Variants in LPO observed in about 807,000 individuals in gnomAD.
LPO encodes salivary peroxidase.
Under a neutral mutation model 68.4 loss-of-function variants are expected in LPO, and 70 were observed. The observed-to-expected ratio is 1.02, with a 90% CI of 0.84 to 1.25. LPO has a LOEUF of 1.25. Ranked by LOEUF, LPO falls within the 50% of genes most tolerant of loss-of-function variation. The pLI is 0.00. For missense variants in LPO, 873 were observed against 908.4 expected (o/e 0.96, Z 0.50); for synonymous variants, 360 against 357.6 (o/e 1.01, Z -0.08).
chr17:58,241,353 C>T (rs924829631), intron 1 of LPO, among the ~76,000 whole-genome samples: 9 of 151,980 alleles, frequency 5.9e-5, no homozygotes, highest in South Asian at 2.1e-4. Context: ...TCAAGTGATC[C>T]GCCTGCCTCA....
intron 3 of LPO, among the ~76,000 whole-genome samples, chr17:58,246,819 A>G (rs1969860428): frequency 6.6e-6 from 1 of 152,218 alleles, no homozygotes; most frequent in Admixed American, 6.5e-5. Flanking sequence ...AAATCCTAGG[A>G]AGTACTGAAT....
At chr17:58,240,420 G>A (rs560795309) in intron 1 of LPO, among the ~76,000 whole-genome samples, 1 of 152,206 alleles carries the variant, frequency 6.6e-6, no homozygotes, top group East Asian at 1.9e-4. Context: ...GGAGCCTCTT[G>A]TTGGCCTCTT....
intron 8 of LPO, among the ~76,000 whole-genome samples, chr17:58,252,710 C>T (rs1455688744): frequency 1.3e-5 from 2 of 151,980 alleles, no homozygotes; most frequent in Non-Finnish European, 2.9e-5. Flanking sequence ...ATCAGGAAGT[C>T]CAGAAAAGTA....
At position 58,254,152 on chromosome 17, in the gene LPO, T is replaced by TATAGATATATAGATATATAGATAG. The variant is rs1555605278; in HGVS notation, c.1106-652_1106-651insTATAGATATATAGATAGATAGATA. Among the ~76,000 whole-genome samples the TATAGATATATAGATATATAGATAG allele has an allele frequency of 1.7e-3, 232 of 133,352 alleles. 1 individual carries two copies. The Middle Eastern group carries it at 0.019, about 11-fold the overall frequency. 87.5% of individuals were successfully genotyped at this position (133,352 alleles called of 152,430 possible). On this transcript the variant is annotated intron_variant, in intron 8 of 12. Transcript: ENST00000262290. The stretch of plus-strand genomic sequence containing the variant: ...TGATAGATATATAGATATATAGATA[T>TATAGATATATAGATATATAGATAG]ATAGATAGATAGATAGATAGATAGA...
chr17:58,249,927 G>A (rs1969927042), intron 6 of LPO, among the ~76,000 whole-genome samples: 1 of 152,190 alleles, frequency 6.6e-6, no homozygotes, highest in Admixed American at 6.5e-5. Context: ...GGGGTCTCCC[G>A]GGCAGATGGC....
At chr17:58,251,406 T>G (rs944487175) in intron 7 of LPO, 5 of 161,480 alleles carry the variant, frequency 3.1e-5, no homozygotes, top group African/African-American at 9.6e-5. Context: ...AAGTTTATAC[T>G]GCTGTACATC....
At chr17:58,266,442 A>G (rs185413606) in intron 11 of LPO, 116 bp downstream of exon 11, 66 of 1,216,508 alleles carry the variant, frequency 5.4e-5, no homozygotes, top group Non-Finnish European at 7.2e-5. Flanking sequence ...CTGAAACAAA[A>G]GTCAGGCCAG....
In LPO at chr17:58,267,449, G is replaced by A. The variant is rs374428119; in HGVS notation, c.1794G>A (p.Leu598=). Residue 598 remains leucine (L), a synonymous_variant, in exon 12 of 13, where the codon CTG becomes CTA. Transcript: ENST00000262290. ...GCAAGATGCTGGCCAAGAAGTTACT[G>A]GGTCTCTACGGGACCCCTGACAACA... is the stretch of plus-strand genomic sequence containing the variant. The part of the protein sequence containing the change: ...LKSKMLAKKL[L]GLYGTPDNID... 53 of 1,614,236 alleles carry A rather than the reference G, an allele frequency of 3.3e-5. No homozygotes were observed. In the African/African-American group the frequency reaches 6.7e-4, roughly 20 times the overall value.
rs1337518537 is a variant in LPO, at chr17:58,252,439, T to C, written c.1038T>C (p.Tyr346=). The change falls in exon 8 of 13, where the codon TAT becomes TAC. Residue 346 remains tyrosine (Y), a synonymous_variant. Transcript: ENST00000262290. ...ACCATGGACTACCCTACCTGCCCTATGACAGCAAGAAGCCAAGCCCCTGTG... is the reference window on the plus strand; with the variant it reads ...ACCATGGACTACCCTACCTGCCCTACGACAGCAAGAAGCCAAGCCCCTGTG... ...VSDHGLPYLP[Y]DSKKPSPCEF... is the part of the protein sequence containing the mutation. 2 of 1,614,058 alleles carry C rather than the reference T, an allele frequency of 1.2e-6. No individual in the cohort carries two copies. Among genetic ancestry groups the C allele is most frequent in the Non-Finnish European group, 1.7e-6 (2 of 1,180,010 alleles).
chr17:58,248,868 T>C (rs564284372), intron 4 of LPO, among the ~76,000 whole-genome samples, 192 bp from the exon 5 acceptor site: 1 of 152,294 alleles, frequency 6.6e-6, no homozygotes, highest in South Asian at 2.1e-4. Context: ...TTTTCTTCCC[T>C]GTAAAATGGG....
chr17:58,242,782 C>A, intron 1 of LPO, 196 bp from the exon 2 acceptor site: 1 of 530,126 alleles, frequency 1.9e-6, no homozygotes, highest in Non-Finnish European at 3.4e-6. Context: ...CATGTCTTCT[C>A]CTCTTTCCAT....
intron 7 of LPO, chr17:58,251,926 C>T (rs779914912): frequency 2.2e-5 from 16 of 715,382 alleles, no homozygotes; most frequent in Non-Finnish European, 3.6e-5. Flanking sequence ...CCCTCCTCAC[C>T]AGAAATTTGG....
At chr17:58,266,030 TG>T in intron 10 of LPO, 122 bp from the exon 11 acceptor site, 2 of 886,240 alleles carry the variant, frequency 2.3e-6, no homozygotes, top group Non-Finnish European at 1.7e-6. Context: ...CCTTCCAGCC[TG>T]GGATGTCCAG....
At chr17:58,252,546 G>T in intron 8 of LPO, 40 bp downstream of exon 8, 1 of 1,571,876 alleles carries the variant, frequency 6.4e-7, no homozygotes. Flanking sequence ...AAGGACAAGG[G>T]GATTATCCAG....
intron 3 of LPO, among the ~76,000 whole-genome samples, chr17:58,246,662 C>T (rs901912643): frequency 1.3e-5 from 2 of 152,140 alleles, no homozygotes; most frequent in Non-Finnish European, 2.9e-5. Context: ...GGCCTGCCTG[C>T]CTTTGTTCAC....
chr17:58,244,432 T>G, intron 3 of LPO: 2 of 262,738 alleles, frequency 7.6e-6, no homozygotes, highest in Non-Finnish European at 1.4e-5. Context: ...TGATATTGAC[T>G]GATTCAGCCA....
Position 58,264,784 on chromosome 17 carries a change from C to T in LPO, c.1329C>T (p.Pro443=), listed in dbSNP as rs1970229888. 1.2e-6 allele frequency: 2 copies of T among 1,614,240 alleles called. No individual in the cohort carries two copies. The highest frequency in any genetic ancestry group is 1.7e-6 in the Non-Finnish European group (2 of 1,180,042). The change falls in exon 10 of 13, where the codon CCC becomes CCT. Residue 443 remains proline, a synonymous_variant. Coordinates refer to ENST00000262290, the MANE Select transcript of LPO (RefSeq NM_006151.3). The part of the protein sequence containing the change: ...LLGDHMQKWI[P]PYQGYSESVD... ...GTGACCACATGCAGAAGTGGATACC[C>T]CCATATCAAGGCTACAGTGAATCTG... is the stretch of plus-strand genomic sequence containing the variant.
Position 58,250,435 on chromosome 17 carries a change from G to T in LPO, c.594G>T (p.Lys198Asn). 1 of 1,614,146 alleles carries T rather than the reference G, an allele frequency of 6.2e-7. No homozygotes were observed. Among genetic ancestry groups the T allele is most frequent in the South Asian group, 1.1e-5 (1 of 91,082 alleles). The change falls in exon 7 of 13, where the codon AAG (lysine) becomes AAT (asparagine). Residue 198 changes from lysine (K) to asparagine (N), a missense_variant. Lys to Asn is a moderately conservative substitution (Grantham distance 94). Coordinates refer to ENST00000262290, the MANE Select transcript of LPO (RefSeq NM_006151.3). ...PLPLAREVSN[K>N]IVGYLNEEGV... The stretch of plus-strand genomic sequence containing the variant: ...TGTAGGCCCGGGAGGTATCTAACAA[G>T]ATTGTTGGCTATCTGAATGAGGAGG...
At chr17:58,260,473 T>C (rs2143934657) in intron 9 of LPO, among the ~76,000 whole-genome samples, 1 of 152,324 alleles carries the variant, frequency 6.6e-6, no homozygotes, top group African/African-American at 2.4e-5. Context: ...GTCTTCCCAA[T>C]CGAGAAAGTA....
Sources: allele counts gnomAD v4.1 joint callset (sites outside exome capture counted in the v4.1 genomes callset), GRCh38; gene constraint gnomAD v4.1.1; transcripts MANE v1.5; gene names NCBI Gene and HGNC (gene_info 2026-07-23, HGNC 2026-07-21).